Variants in UNC79 observed in about 807,000 individuals in gnomAD.
The protein encoded by UNC79 is protein unc-79 homolog.
In UNC79, 37 loss-of-function variants were observed where a neutral mutation model predicts 283.1. The ratio of observed to expected loss-of-function variants is 0.13; its 90% CI spans 0.10 to 0.17. The LOEUF is 0.17. Ranked by LOEUF, UNC79 falls within the 10% of genes least tolerant of loss-of-function variation. UNC79 has a pLI of 1.00. For missense variants in UNC79, 2,272 were observed against 3,211.1 expected, an observed-to-expected ratio of 0.71 and a Z score of 7.07; for synonymous variants, 1,107 against 1,200.2, an observed-to-expected ratio of 0.92 and a Z score of 1.61.
intron 20 of UNC79, among the ~76,000 whole-genome samples, chr14:93,583,683 G>C (rs1361313920): frequency 1.3e-5 from 2 of 152,110 alleles, no homozygotes; most frequent in African/African-American, 4.8e-5. Flanking sequence ...GATTTCTTTT[G>C]GAACATCCTC....
At chr14:93,640,372 T>C (rs2068911348) in intron 32 of UNC79, among the ~76,000 whole-genome samples, 1 of 152,236 alleles carries the variant, frequency 6.6e-6, no homozygotes, top group African/African-American at 2.4e-5. Context: ...CTCACAGCTG[T>C]AATCCTAGCA....
At chr14:93,593,730 T>C (rs753593807) in exon 23 of UNC79, 19 of 1,613,656 alleles carry the variant, frequency 1.2e-5, no homozygotes, top group Non-Finnish European at 1.6e-5. Flanking sequence ...TCCCTGGCAG[T>C]CCCTCTTCTC....
intron 47 of UNC79, among the ~76,000 whole-genome samples, chr14:93,695,579 A>C (rs966332145): frequency 1.3e-5 from 2 of 152,142 alleles, no homozygotes; most frequent in African/African-American, 4.8e-5. Flanking sequence ...CAAGACAATG[A>C]ACATATCCAT....
chr14:93,493,718 G>A (rs60598802), intron 5 of UNC79, among the ~76,000 whole-genome samples: 2,318 of 151,562 alleles, frequency 0.015, 61 homozygotes, highest in African/African-American at 0.054. Context: ...AAGAAAAGAA[G>A]TGTCATTGAG....
intron 17 of UNC79, among the ~76,000 whole-genome samples, chr14:93,576,967 G>A (rs1395788871): frequency 6.6e-6 from 1 of 151,602 alleles, no homozygotes; most frequent in Non-Finnish European, 1.5e-5. Context: ...GCCACATAAT[G>A]AGACCTTGTC....
chr14:93,666,890 A>G (rs61467072), intron 40 of UNC79, among the ~76,000 whole-genome samples: 4,149 of 152,220 alleles, frequency 0.027, 203 homozygotes, highest in African/African-American at 0.095. Flanking sequence ...AATTAATGAA[A>G]TAAAAAACAG....
rs1487977660 is a variant in UNC79 at position 93,584,519 on chromosome 14, G to A, written c.2804-2077G>A. On this transcript the variant is annotated intron_variant, in intron 20 of 48. Coordinates refer to ENST00000555664, the Ensembl canonical transcript of UNC79. The stretch of plus-strand genomic sequence containing the variant: ...AGCCAGGGCCCAGGCCTACAGTTGT[G>A]TTTCTGTCAGGCATTCATGCCTATG... Among the ~76,000 whole-genome samples, 26 of 152,150 alleles carry A rather than the reference G, an allele frequency of 1.7e-4. 1 individual carries two copies. The highest frequency in any genetic ancestry group is 1.5e-5 in the Non-Finnish European group (1 of 68,018).
Position 93,622,918 on chromosome 14 carries a change from A to G in UNC79, c.5608+77A>G, listed in dbSNP as rs905006295. The G allele has an allele frequency of 2.0e-6, 3 of 1,527,520 alleles. No homozygotes were observed. In the African/African-American group the frequency reaches 4.1e-5, roughly 21 times the overall value. The allele number at this position is 1,527,520 out of a possible 1,614,324, so 94.6% of individuals were successfully genotyped here. On this transcript the variant is annotated intron_variant, in intron 30 of 48. Transcript: ENST00000555664. ...TTGTTTGATAGGGTACCGGCACTGAATATGCATCAGACTCAAACTCTTATA... is the reference window on the plus strand; with the variant it reads ...TTGTTTGATAGGGTACCGGCACTGAGTATGCATCAGACTCAAACTCTTATA...
At chr14:93,368,774 A>C (rs1207961930) in intron 1 of UNC79, among the ~76,000 whole-genome samples, 1 of 152,220 alleles carries the variant, frequency 6.6e-6, no homozygotes, top group Admixed American at 6.5e-5. Flanking sequence ...GCCTGGCTCA[A>C]AAATGCCATT....
intron 27 of UNC79, among the ~76,000 whole-genome samples, chr14:93,615,720 CA>C (rs1158073507): frequency 0.036 from 849 of 23,286 alleles, 1 homozygote; most frequent in Non-Finnish European, 0.064. Context: ...GACTCCATCT[CA>C]AAAAAAAAAA....
intron 22 of UNC79, among the ~76,000 whole-genome samples, chr14:93,588,767 G>C (rs11623009): frequency 7.5e-6 from 1 of 132,784 alleles, no homozygotes; most frequent in Non-Finnish European, 1.6e-5. Context: ...AAAAAAAAAA[G>C]AGAGAGAAAA....
rs367724208 is a variant in UNC79 at position 93,688,932 on chromosome 14, G to A, written c.7085+92G>A. The A allele has an allele frequency of 7.3e-4, 997 of 1,372,766 alleles. 6 individuals are homozygous for A. In the South Asian group the frequency reaches 0.013, roughly 18 times the overall value. 85.0% of individuals were successfully genotyped at this position (1,372,766 alleles called of 1,614,324 possible). A position where few individuals can be genotyped will look rare whatever the true frequency, so the allele number is the denominator to read the frequency against. On this transcript the variant is annotated intron_variant, in intron 44 of 48. Coordinates refer to ENST00000555664, the Ensembl canonical transcript of UNC79. This position sits in a 1 kb window ranked among gnomAD's most constrained non-coding sequence, Gnocchi z 4.0. ...CTCAGCTAGAGTTAAGGAGTACACC[G>A]AAGATTTATGACAGTGGAATATACT...
chr14:93,333,886 TACTA>T (rs1448029483), intron 1 of UNC79, among the ~76,000 whole-genome samples: 3 of 152,298 alleles, frequency 2.0e-5, no homozygotes, highest in African/African-American at 7.2e-5. Flanking sequence ...GGCTCAGAAA[TACTA>T]ACAAGTAGGC....
chr14:93,470,835 G>T (rs975467605), intron 2 of UNC79, among the ~76,000 whole-genome samples: 1 of 152,328 alleles, frequency 6.6e-6, no homozygotes, highest in Admixed American at 6.5e-5. Context: ...ACTGCTACAT[G>T]GGAGGGAGTC....
intron 4 of UNC79, among the ~76,000 whole-genome samples, chr14:93,479,231 T>TCCTTCCTTC (rs1375270975): frequency 8.0e-6 from 1 of 125,422 alleles, no homozygotes; most frequent in East Asian, 2.3e-4. Flanking sequence ...TTCCTTCCTT[T>TCCTTCCTTC]CCTTCCTTCC....
At position 93,662,596 on chromosome 14, in the gene UNC79, C is replaced by T. The variant is rs1288044100; in HGVS notation, c.6526-8C>T. 1 of 1,593,190 alleles carries T rather than the reference C, an allele frequency of 6.3e-7. No individual in the cohort carries two copies. Among genetic ancestry groups the T allele is most frequent in the East Asian group, 2.2e-5 (1 of 44,614 alleles). ...AATTGACTTTATTTGGCCCCAATCT[C>T]ATTGCAGAGTTTGTTGGAACCATTT... On this transcript the variant is annotated splice_region_variant and splice_polypyrimidine_tract_variant and intron_variant, in intron 39 of 48. Transcript: ENST00000555664.
At chr14:93,612,773 T>C in intron 26 of UNC79, 24 bp from the exon 28 acceptor site, 3 of 1,604,600 alleles carry the variant, frequency 1.9e-6, no homozygotes, top group African/African-American at 1.3e-5. Flanking sequence ...AGCCACCCAC[T>C]GACAGCCTTT....
At chr14:93,521,867 C>T in intron 7 of UNC79, among the ~76,000 whole-genome samples, 1 of 149,836 alleles carries the variant, frequency 6.7e-6, no homozygotes, top group East Asian at 2.0e-4. Context: ...GTGCTTTTCC[C>T]AATTAGAAAT....
At chr14:93,659,963 T>G (rs1409809382) in intron 39 of UNC79, among the ~76,000 whole-genome samples, 1 of 152,164 alleles carries the variant, frequency 6.6e-6, no homozygotes, top group Non-Finnish European at 1.5e-5. Context: ...CTGTATCAGC[T>G]TCCATGGTAT....
Sources: gnomAD v4.1 joint callset for allele counts (sites outside exome capture counted in the v4.1 genomes callset) on GRCh38, gnomAD v4.1.1 for gene constraint, Gnocchi (gnomAD v3.1) non-coding constraint, MANE v1.5 for transcripts, NCBI Gene and HGNC (gene_info 2026-07-23, HGNC 2026-07-21) for gene names.